Variants in TNFRSF10B observed in about 807,000 individuals in gnomAD.
TNFRSF10B encodes tumor necrosis factor receptor superfamily member 10B.
A neutral mutation model predicts 41.4 loss-of-function variants in TNFRSF10B; 35 were observed. The ratio of observed to expected loss-of-function variants is 0.85; its 90% CI spans 0.65 to 1.12. TNFRSF10B has a LOEUF of 1.12. Ranked by LOEUF, TNFRSF10B falls within the 50% of genes most tolerant of loss-of-function variation. TNFRSF10B has a pLI of 0.00. For missense variants in TNFRSF10B, 584 were observed against 552.7 expected (o/e 1.06, Z -0.57); for synonymous variants, 230 against 215.5 (o/e 1.07, Z -0.59).
At chr8:23,028,220 G>T in intron 5 of TNFRSF10B, 111 bp downstream of exon 5, 1 of 1,477,532 alleles carries the variant, frequency 6.8e-7, no homozygotes, top group Non-Finnish European at 9.4e-7. Flanking sequence ...ATAGAGCCAG[G>T]CTGGAGGCAC....
intron 2 of TNFRSF10B, among the ~76,000 whole-genome samples, chr8:23,037,427 T>C (rs757311393): frequency 4.6e-5 from 7 of 152,198 alleles, no homozygotes; most frequent in African/African-American, 9.7e-5. Context: ...GAACCATTTC[T>C]ATCATGGAGG....
intron 1 of TNFRSF10B, among the ~76,000 whole-genome samples, chr8:23,056,710 TTCA>T (rs1812676845): frequency 6.6e-6 from 1 of 152,108 alleles, no homozygotes; most frequent in South Asian, 2.1e-4. Flanking sequence ...GCATTAAACC[TTCA>T]TTATATTTTG....
At chr8:23,053,857 C>T (rs1812589339) in intron 1 of TNFRSF10B, among the ~76,000 whole-genome samples, 2 of 152,116 alleles carry the variant, frequency 1.3e-5, no homozygotes, top group Non-Finnish European at 2.9e-5. Context: ...TTTCTTTGGG[C>T]TGTATGTGCA....
intron 2 of TNFRSF10B, among the ~76,000 whole-genome samples, chr8:23,039,478 T>C (rs574828561): frequency 7.2e-5 from 11 of 152,112 alleles, no homozygotes; most frequent in Admixed American, 5.9e-4. Flanking sequence ...CTTTTTTCTA[T>C]TGAGGCTTTC....
intron 1 of TNFRSF10B, among the ~76,000 whole-genome samples, chr8:23,047,265 G>A (rs1429839598): frequency 6.6e-6 from 1 of 151,498 alleles, no homozygotes; most frequent in Non-Finnish European, 1.5e-5. Flanking sequence ...GCTGAGGCAG[G>A]AGAATCACTT....
intron 2 of TNFRSF10B, among the ~76,000 whole-genome samples, chr8:23,033,529 A>C (rs1811939858): frequency 7.6e-6 from 1 of 131,376 alleles, no homozygotes; most frequent in African/African-American, 2.8e-5. Flanking sequence ...CGGAGCCTGC[A>C]GTGAGCCGAG....
At chr8:23,028,076 G>T (rs1352637698) in intron 5 of TNFRSF10B, 15 of 605,936 alleles carry the variant, frequency 2.5e-5, no homozygotes, top group South Asian at 2.4e-4. Flanking sequence ...GCCTGAAGAT[G>T]GGAGGAACTG....
chr8:23,040,349 A>G lies in TNFRSF10B; in HGVS notation c.250+2789T>C, dbSNP rs113659253. On this transcript the variant is annotated intron_variant, in intron 2 of 8. Transcript: ENST00000276431. ...TACAAAATATATATTTATTAAATAT[A>G]TACAAAATATATATTTAATAAATAT... Among the ~76,000 whole-genome samples the G allele has an allele frequency of 6.0e-3, 106 of 17,680 alleles. 4 individuals carry two copies. Among genetic ancestry groups the G allele is most frequent in the East Asian group, 0.027 (7 of 262 alleles). The allele number at this position is 17,680 out of a possible 152,430, so 11.6% of individuals were successfully genotyped here. A position where few individuals can be genotyped will look rare whatever the true frequency, so the allele number is the denominator to read the frequency against.
intron 1 of TNFRSF10B, among the ~76,000 whole-genome samples, chr8:23,046,061 A>G (rs933148915): frequency 1.3e-5 from 2 of 152,232 alleles, no homozygotes; most frequent in Non-Finnish European, 2.9e-5. Flanking sequence ...CCTCTTTTCA[A>G]CATGGTACTG....
At chr8:23,026,068 C>G (rs1811693725) in intron 7 of TNFRSF10B, among the ~76,000 whole-genome samples, 1 of 151,830 alleles carries the variant, frequency 6.6e-6, no homozygotes, top group Non-Finnish European at 1.5e-5. Context: ...AGAGCAAGAT[C>G]CTGTCTCAAA....
chr8:23,066,969 T>C (rs538943725), intron 1 of TNFRSF10B, among the ~76,000 whole-genome samples: 92 of 151,940 alleles, frequency 6.1e-4, no homozygotes, highest in African/African-American at 2.1e-3. Flanking sequence ...CATAACTCTG[T>C]TGTGGCTTTC....
intron 5 of TNFRSF10B, 89 bp from the exon 6 acceptor site, chr8:23,027,842 G>A (rs1365257772): frequency 6.5e-7 from 1 of 1,537,128 alleles, no homozygotes; most frequent in Non-Finnish European, 8.9e-7. Context: ...GGCTGGGCTG[G>A]GGGCTGGGAC....
chr8:23,027,699 A>C, intron 6 of TNFRSF10B, 23 bp downstream of exon 6: 2 of 1,613,992 alleles, frequency 1.2e-6, no homozygotes, highest in Non-Finnish European at 1.7e-6. Context: ...CTGAGCCCCC[A>C]GCTCCTGGAG....
rs546277711 is a variant in TNFRSF10B, at chr8:23,027,867, C to T, written c.749-114G>A. On this transcript the variant is annotated intron_variant, in intron 5 of 8. Coordinates refer to ENST00000276431, the MANE Select transcript of TNFRSF10B (RefSeq NM_003842.5). ...GGGGCTGGGACACTGGACAAGGAGC[C>T]CTGGGGCTGGGGACAGAATGGGGCC... The T allele has an allele frequency of 8.5e-5, 114 of 1,341,282 alleles. No homozygotes were observed. In the East Asian group the frequency reaches 2.8e-3, roughly 33 times the overall value. 83.1% of individuals were successfully genotyped at this position (1,341,282 alleles called of 1,614,324 possible).
chr8:23,029,885 C>A (rs956656275), intron 3 of TNFRSF10B, among the ~76,000 whole-genome samples, 164 bp from the exon 4 acceptor site: 1 of 152,230 alleles, frequency 6.6e-6, no homozygotes, highest in African/African-American at 2.4e-5. Context: ...GGATACCCAC[C>A]CTTCAGCTGT....
At position 23,030,785 on chromosome 8, in the gene TNFRSF10B, CA is replaced by C. The variant is rs770851310; in HGVS notation, c.337del (p.Cys113AlafsTer14). ...YSTHWNDLLF[C>X]LRCTRCDSGE... Reference sequence around the variant, plus strand: ...TGAATCACACCTGGTGCAGCGCAAGCAGAAAAGGAGGTCATTCCAGTGAGTG... The same window carrying C: ...TGAATCACACCTGGTGCAGCGCAAGCGAAAAGGAGGTCATTCCAGTGAGTG... On this transcript the variant is annotated frameshift_variant, in exon 3 of 9. Transcript: ENST00000276431. LOFTEE classifies it high-confidence loss of function. 1.9e-6 allele frequency: 3 copies of C among 1,613,076 alleles called. No individual in the cohort carries two copies. The Admixed American group carries it at 5.0e-5, about 27-fold the overall frequency.
intron 1 of TNFRSF10B, among the ~76,000 whole-genome samples, chr8:23,064,550 G>A (rs1198880087): frequency 1.3e-5 from 2 of 152,088 alleles, no homozygotes; most frequent in Admixed American, 6.6e-5. Context: ...AAGAAGGGAG[G>A]TCAGGGGTTT....
At chr8:23,060,642 T>C (rs1812806277) in intron 1 of TNFRSF10B, among the ~76,000 whole-genome samples, 1 of 152,246 alleles carries the variant, frequency 6.6e-6, no homozygotes, top group Non-Finnish European at 1.5e-5. Context: ...AAATTCCATA[T>C]GAATTTTAGG....
At chr8:23,039,056 TG>T (rs1812099459) in intron 2 of TNFRSF10B, among the ~76,000 whole-genome samples, 1 of 151,426 alleles carries the variant, frequency 6.6e-6, no homozygotes, top group Non-Finnish European at 1.5e-5. Context: ...TGGTCCTATC[TG>T]GGGGTGATGG....
Sources: allele counts gnomAD v4.1 joint callset (sites outside exome capture counted in the v4.1 genomes callset), GRCh38; gene constraint gnomAD v4.1.1; transcripts MANE v1.5; gene names NCBI Gene and HGNC (gene_info 2026-07-23, HGNC 2026-07-21).